The following GRIA4 variants were observed in gnomAD, a reference collection of about 807,000 sequenced individuals.
GRIA4 encodes glutamate ionotropic receptor AMPA type subunit 4.
Under a neutral mutation model 104.0 loss-of-function variants are expected in GRIA4, and 34 were observed. That is an observed-to-expected ratio of 0.33 (90% CI 0.25 to 0.44). GRIA4 has a LOEUF of 0.44. Ranked by LOEUF, GRIA4 falls within the 20% of genes least tolerant of loss-of-function variation. GRIA4 has a pLI of 1.00. For synonymous variants in GRIA4, 386 were observed against 381.9 expected (o/e 1.01, Z -0.13); for missense variants, 750 against 1,096.5 (o/e 0.68, Z 4.46).
In GRIA4 at chr11:105,910,494, C is replaced by T. The variant is rs758039126; in HGVS notation, c.1218C>T (p.Gly406=). The T allele has an allele frequency of 6.9e-6, 11 of 1,601,946 alleles. No individual in the cohort carries two copies. In the South Asian group the frequency reaches 9.9e-5, roughly 14 times the overall value. Residue 406 remains glycine (G), a synonymous_variant, in exon 10 of 17, where the codon GGC becomes GGT. Transcript: ENST00000282499. ...TGATTCAAGATGTACCAACTCTTGGCAATGACACAGCTGCTATTGAGAACA... is the reference window on the plus strand; with the variant it reads ...TGATTCAAGATGTACCAACTCTTGGTAATGACACAGCTGCTATTGAGAACA... ...LVLIQDVPTL[G]NDTAAIENRT...
At chr11:105,939,151 T>C (rs944266791) in intron 14 of GRIA4, among the ~76,000 whole-genome samples, 1 of 152,192 alleles carries the variant, frequency 6.6e-6, no homozygotes, top group Non-Finnish European at 1.5e-5. Context: ...TGACAGTTCA[T>C]TCAACAAATG....
intron 3 of GRIA4, among the ~76,000 whole-genome samples, chr11:105,701,303 C>G (rs1249578619): frequency 6.6e-6 from 1 of 152,114 alleles, no homozygotes; most frequent in African/African-American, 2.4e-5. Context: ...CAATGTTCAG[C>G]ATTATTTGTT....
At chr11:105,792,245 G>A (rs1308621688) in intron 4 of GRIA4, among the ~76,000 whole-genome samples, 1 of 151,974 alleles carries the variant, frequency 6.6e-6, no homozygotes, top group African/African-American at 2.4e-5. Flanking sequence ...AGAAATAAAC[G>A]AACATCAAGA....
intron 9 of GRIA4, among the ~76,000 whole-genome samples, chr11:105,906,971 A>C (rs1947062235): frequency 6.6e-6 from 1 of 152,214 alleles, no homozygotes; most frequent in Non-Finnish European, 1.5e-5. Context: ...CTTGCCACAC[A>C]CCAGACCTTG....
At chr11:105,853,800 GTC>G (rs1420558093) in intron 4 of GRIA4, among the ~76,000 whole-genome samples, 5 of 152,102 alleles carry the variant, frequency 3.3e-5, no homozygotes, top group African/African-American at 9.7e-5. Flanking sequence ...TCTGGAGTTG[GTC>G]TAAGTGACAG....
chr11:105,666,263 C>G (rs1952162080), intron 3 of GRIA4, among the ~76,000 whole-genome samples: 1 of 151,750 alleles, frequency 6.6e-6, no homozygotes, highest in African/African-American at 2.4e-5. Context: ...TTCACTAATC[C>G]TTTCATTCAA....
At chr11:105,888,246 T>TTGGAGAAG (rs747178583) in intron 6 of GRIA4, among the ~76,000 whole-genome samples, 1 of 148,192 alleles carries the variant, frequency 6.7e-6, no homozygotes, top group Non-Finnish European at 1.5e-5. Context: ...GTGATTTATA[T>TTGGAGAAG]TGGAGAAGTT....
At chr11:105,741,866 C>T (rs1303451866) in intron 3 of GRIA4, among the ~76,000 whole-genome samples, 3 of 151,936 alleles carry the variant, frequency 2.0e-5, no homozygotes, top group African/African-American at 7.3e-5. Flanking sequence ...GGAAGGAGGA[C>T]AAAACGGGGA....
At chr11:105,783,303 A>G (rs750585717) in intron 4 of GRIA4, among the ~76,000 whole-genome samples, 6 of 152,240 alleles carry the variant, frequency 3.9e-5, no homozygotes, top group Non-Finnish European at 5.9e-5. Context: ...TAATGGATGC[A>G]GTTCTCAAAC....
At chr11:105,813,959 A>G (rs190250766) in intron 4 of GRIA4, among the ~76,000 whole-genome samples, 4 of 152,312 alleles carry the variant, frequency 2.6e-5, no homozygotes, top group Admixed American at 6.5e-5. Flanking sequence ...TATTTCTGCT[A>G]AGATCCGAAT....
chr11:105,823,934 T>A (rs1444529659), intron 4 of GRIA4, among the ~76,000 whole-genome samples: 3 of 152,086 alleles, frequency 2.0e-5, no homozygotes, highest in Non-Finnish European at 4.4e-5. Flanking sequence ...ATTTGACTGA[T>A]GTCCTTATAC....
chr11:105,642,537 GAAAAAAAAA>G (rs34987277), intron 3 of GRIA4, among the ~76,000 whole-genome samples: 6 of 72,446 alleles, frequency 8.3e-5, no homozygotes, highest in Non-Finnish European at 7.2e-5. Flanking sequence ...CAATTTTAAT[GAAAAAAAAA>G]AAAAAAAAAA....
intron 4 of GRIA4, among the ~76,000 whole-genome samples, chr11:105,788,107 C>G (rs952482438): frequency 6.6e-6 from 1 of 152,098 alleles, no homozygotes; most frequent in Non-Finnish European, 1.5e-5. Context: ...ATGACCACAT[C>G]TCCCAAAATG....
intron 4 of GRIA4, among the ~76,000 whole-genome samples, chr11:105,768,356 A>G (rs1941050975): frequency 1.3e-5 from 2 of 152,162 alleles, no homozygotes; most frequent in South Asian, 4.1e-4. Context: ...TAAAAATAGT[A>G]GCACTTAAAA....
intron 5 of GRIA4, among the ~76,000 whole-genome samples, chr11:105,871,365 G>T (rs980505437): frequency 2.6e-5 from 4 of 151,602 alleles, no homozygotes; most frequent in African/African-American, 7.3e-5. Flanking sequence ...ACAAATATAG[G>T]CAAAATAAAC....
At chr11:105,887,868 T>C (rs1946321882) in intron 6 of GRIA4, among the ~76,000 whole-genome samples, 1 of 152,210 alleles carries the variant, frequency 6.6e-6, no homozygotes, top group African/African-American at 2.4e-5. Context: ...TAAATGCTAC[T>C]TTATAGACAA....
At chr11:105,704,128 T>G (rs1953607087) in intron 3 of GRIA4, among the ~76,000 whole-genome samples, 2 of 152,188 alleles carry the variant, frequency 1.3e-5, no homozygotes, top group Admixed American at 6.6e-5. Context: ...TACAAAGTTC[T>G]GTAGCAGCCA....
chr11:105,760,908 G>T (rs764144366), intron 4 of GRIA4, among the ~76,000 whole-genome samples: 4 of 152,014 alleles, frequency 2.6e-5, no homozygotes, highest in Non-Finnish European at 5.9e-5. Flanking sequence ...GGCTTTAGAA[G>T]AATATTTATT....
chr11:105,796,166 A>G (rs1278875015), intron 4 of GRIA4, among the ~76,000 whole-genome samples: 1 of 152,162 alleles, frequency 6.6e-6, no homozygotes, highest in Non-Finnish European at 1.5e-5. Flanking sequence ...CCCAGGATGC[A>G]ATTCAATATT....
Sources: allele counts gnomAD v4.1 joint callset (sites outside exome capture counted in the v4.1 genomes callset), GRCh38; gene constraint gnomAD v4.1.1; transcripts MANE v1.5; gene names NCBI Gene and HGNC (gene_info 2026-07-23, HGNC 2026-07-21).